The following ZNF584 variants were observed in gnomAD, a reference collection of about 807,000 sequenced individuals.
The protein encoded by ZNF584 is zinc finger protein 584.
A neutral mutation model predicts 14.7 loss-of-function variants in ZNF584; 12 were observed. The ratio of observed to expected loss-of-function variants is 0.82; its 90% CI spans 0.52 to 1.32. ZNF584 has a LOEUF of 1.32. Among genes scored for constraint, ZNF584 ranks in the 40% most tolerant of loss-of-function variants. The pLI, the probability that ZNF584 is intolerant of heterozygous loss-of-function variation, is 0.00. For synonymous variants in ZNF584, 204 were observed against 190.9 expected, an observed-to-expected ratio of 1.07 and a Z score of -0.57; for missense variants, 478 against 518.8, an observed-to-expected ratio of 0.92 and a Z score of 0.76.
At chr19:58,416,101 C>T (rs924817993) in intron 3 of ZNF584, 2 of 739,740 alleles carry the variant, frequency 2.7e-6, no homozygotes, top group Non-Finnish European at 4.3e-6. Flanking sequence ...ACTTGGAGAC[C>T]CCACCTCTCT....
In ZNF584 at chr19:58,409,972, TGATGTTTGAG is replaced by T. The variant is rs766362620; in HGVS notation, c.56_65del (p.Phe19Ter). On this transcript the variant is annotated frameshift_variant, in exon 2 of 4. Coordinates refer to ENST00000306910, the MANE Select transcript of ZNF584 (RefSeq NM_173548.3). LOFTEE classifies it high-confidence loss of function. ...TTGGACCCATCATTGCAGGGCTTGG[TGATGTTTGAG>T]GATGTGACGGTATATTTCTCCAGGG... 6.8e-6 allele frequency: 11 copies of T among 1,613,664 alleles called. No individual in the cohort carries two copies. Among genetic ancestry groups the T allele is most frequent in the South Asian group, 5.5e-5 (5 of 91,042 alleles).
rs1463748419 is a variant in ZNF584 at position 58,408,967 on chromosome 19, G to C, written c.-181G>C. 3.0e-6 allele frequency: 2 copies of C among 657,064 alleles called. No homozygotes were observed. The highest frequency in any genetic ancestry group is 4.6e-6 in the Non-Finnish European group (2 of 430,212). 40.7% of individuals were successfully genotyped at this position (657,064 alleles called of 1,614,324 possible). On this transcript the variant is annotated 5_prime_UTR_variant, in exon 1 of 4. Coordinates refer to ENST00000306910, the MANE Select transcript of ZNF584 (RefSeq NM_173548.3). Reference sequence around the variant, plus strand: ...GCGGACAGGCGCCGTGGGTCTCCCGGGCCTCCGTACCGTCCTCCTTCCCAG... The same window carrying C: ...GCGGACAGGCGCCGTGGGTCTCCCGCGCCTCCGTACCGTCCTCCTTCCCAG...
intron 3 of ZNF584, chr19:58,415,864 T>G (rs1300778903): frequency 6.3e-7 from 1 of 1,599,676 alleles, no homozygotes; most frequent in East Asian, 2.2e-5. Context: ...CTCATTGCCC[T>G]TCTCTGTATC....
At chr19:58,416,682 G>T in intron 3 of ZNF584, 129 bp from the exon 4 acceptor site, 2 of 1,241,942 alleles carry the variant, frequency 1.6e-6, no homozygotes, top group Non-Finnish European at 1.1e-6. Flanking sequence ...GATTACAGGC[G>T]TGAGCCACCA....
At chr19:58,413,194 C>T (rs939815323) in intron 2 of ZNF584, among the ~76,000 whole-genome samples, 1 of 151,396 alleles carries the variant, frequency 6.6e-6, no homozygotes, top group Admixed American at 6.6e-5. Context: ...GTTTGTTTTT[C>T]TTTTTCTTGT....
intron 1 of ZNF584, among the ~76,000 whole-genome samples, chr19:58,409,651 T>C (rs2052516768): frequency 6.6e-6 from 1 of 152,152 alleles, no homozygotes; most frequent in African/African-American, 2.4e-5. Context: ...GCCCTGCACA[T>C]AGATGGCATC....
upstream of ZNF584, among the ~76,000 whole-genome samples, chr19:58,407,463 T>C (rs2052483561): frequency 6.6e-6 from 1 of 152,238 alleles, no homozygotes; most frequent in Non-Finnish European, 1.5e-5. Flanking sequence ...CAGAGACTTC[T>C]GAGCCCCGAT....
upstream of ZNF584, chr19:58,404,808 G>A (rs542165288): frequency 2.8e-5 from 5 of 176,150 alleles, no homozygotes; most frequent in South Asian, 2.7e-4. Context: ...CAGTAGGGGC[G>A]GCCGGGCAGA....
At chr19:58,415,728 T>G (rs1307300368) in intron 3 of ZNF584, 82 bp downstream of exon 3, 2 of 1,610,020 alleles carry the variant, frequency 1.2e-6, no homozygotes, top group Non-Finnish European at 1.7e-6. Context: ...GATACCTTGG[T>G]GTTGAGGGCA....
At position 58,410,132 on chromosome 19, in the gene ZNF584, C is replaced by G. The variant is rs759765886; in HGVS notation, c.169+41C>G. 5.1e-6 allele frequency: 8 copies of G among 1,556,254 alleles called. No homozygotes were observed. The South Asian group carries it at 8.6e-5, about 17-fold the overall frequency. ...TGTCCCCCAGCACACTGACTACCCC[C>G]TCATTTTCCCCATGCGAAGTTCTGT... On this transcript the variant is annotated intron_variant, in intron 2 of 3. Transcript: ENST00000306910.
chr19:58,412,303 G>A (rs1252152910), intron 2 of ZNF584, among the ~76,000 whole-genome samples: 6 of 146,542 alleles, frequency 4.1e-5, no homozygotes, highest in African/African-American at 1.0e-4. Context: ...TCCGCTTCCC[G>A]GGTTCACGCC....
chr19:58,405,928 A>G (rs1375981582), upstream of ZNF584: 2 of 179,346 alleles, frequency 1.1e-5, no homozygotes, highest in Non-Finnish European at 2.4e-5. Context: ...GACGCTCCTC[A>G]CTTCCCAGAC....
At position 58,417,888 on chromosome 19, in the gene ZNF584, A is replaced by C; in HGVS notation, c.*104A>C. ...CTAAACCTTGCACATCCCAACACCC[A>C]CCCCAGGGAGAGTTCCCGTGTGTGC... On this transcript the variant is annotated 3_prime_UTR_variant, in exon 4 of 4. Coordinates refer to ENST00000306910, the MANE Select transcript of ZNF584 (RefSeq NM_173548.3). The C allele has an allele frequency of 7.1e-7, 1 of 1,404,396 alleles. No homozygotes were observed. The highest frequency in any genetic ancestry group is 9.6e-7 in the Non-Finnish European group (1 of 1,038,680). The allele number at this position is 1,404,396 out of a possible 1,614,324, so 87.0% of individuals were successfully genotyped here. A position where few individuals can be genotyped will look rare whatever the true frequency, so the allele number is the denominator to read the frequency against.
chr19:58,417,789 G>A lies in ZNF584; in HGVS notation c.*5G>A, dbSNP rs202096089. On this transcript the variant is annotated 3_prime_UTR_variant, in exon 4 of 4. Coordinates refer to ENST00000306910, the MANE Select transcript of ZNF584 (RefSeq NM_173548.3). ...GGGAAGGTCGTTAGCTGCTAGCACC[G>A]TGTTCATCAGGAAAGGTCTTATTCC... 4.8e-5 allele frequency: 76 copies of A among 1,589,890 alleles called. No individual in the cohort carries two copies. Among genetic ancestry groups the A allele is most frequent in the Non-Finnish European group, 6.1e-5 (71 of 1,168,084 alleles).
At chr19:58,410,922 G>C (rs549619834) in intron 2 of ZNF584, among the ~76,000 whole-genome samples, 4 of 147,860 alleles carry the variant, frequency 2.7e-5, no homozygotes, top group South Asian at 2.2e-4. Context: ...CTCCCGAGTA[G>C]CTGGGACTAC....
rs377701085 is a variant in ZNF584, at chr19:58,417,422, G to C, written c.904G>C (p.Glu302Gln). 5 of 1,603,580 alleles carry C rather than the reference G, an allele frequency of 3.1e-6. No individual in the cohort carries two copies. The African/African-American group carries it at 6.7e-5, about 22-fold the overall frequency. ...TGGAGAAAGGCCCTATGAGTGTACA[G>C]AATGTGGGAAGTTCTTTAAATACAA... is the stretch of plus-strand genomic sequence containing the variant. ...HIGERPYECT[E>Q]CGKFFKYNNS... The change falls in exon 4 of 4, where the codon GAA becomes CAA. Residue 302 changes from glutamate to glutamine, a missense_variant. Coordinates refer to ENST00000306910, the MANE Select transcript of ZNF584 (RefSeq NM_173548.3).
chr19:58,417,705 C>A lies in ZNF584; in HGVS notation c.1187C>A (p.Thr396Asn). The A allele has an allele frequency of 1.2e-6, 2 of 1,614,172 alleles. No homozygotes were observed. Among genetic ancestry groups the A allele is most frequent in the Non-Finnish European group, 1.7e-6 (2 of 1,180,012 alleles). The change falls in exon 4 of 4, where the codon ACC becomes AAC. Residue 396 changes from threonine to asparagine, a missense_variant. Physicochemically the swap from Thr to Asn is moderately conservative, Grantham distance 65 (BLOSUM62 0). Coordinates refer to ENST00000306910, the MANE Select transcript of ZNF584 (RefSeq NM_173548.3). ...ECGKAFKHSSTLLQHKKVHTP... is the reference protein window; with the variant it reads ...ECGKAFKHSSNLLQHKKVHTP... ...GGGAAGGCCTTCAAACATAGTTCCACCCTCCTTCAGCACAAGAAAGTCCAT... is the reference window on the plus strand; with the variant it reads ...GGGAAGGCCTTCAAACATAGTTCCAACCTCCTTCAGCACAAGAAAGTCCAT...
upstream of ZNF584, chr19:58,405,124 G>A (rs1911399336): frequency 1.4e-5 from 2 of 147,688 alleles, no homozygotes; most frequent in African/African-American, 5.1e-5. Flanking sequence ...CGGCCGGGCA[G>A]AGGCGCCCCG....
chr19:58,409,859 C>T (rs1239283505), intron 1 of ZNF584, 82 bp from the exon 2 acceptor site: 5 of 1,549,994 alleles, frequency 3.2e-6, no homozygotes, highest in African/African-American at 1.4e-5. Flanking sequence ...TGTGATAGGA[C>T]CCTGAGATAC....
Sources: gnomAD v4.1 joint callset for allele counts (sites outside exome capture counted in the v4.1 genomes callset) on GRCh38, gnomAD v4.1.1 for gene constraint, MANE v1.5 for transcripts, NCBI Gene and HGNC (gene_info 2026-07-23, HGNC 2026-07-21) for gene names.